The following SEPTIN4 variants were observed in gnomAD, a reference collection of about 807,000 sequenced individuals.
SEPTIN4 encodes septin-4.
In SEPTIN4, 52 loss-of-function variants were observed where a neutral mutation model predicts 107.1. The ratio of observed to expected loss-of-function variants is 0.49; its 90% CI spans 0.39 to 0.61. The LOEUF is 0.61. SEPTIN4 is among the 20% of genes least tolerant of loss of function. SEPTIN4 has a pLI of 0.00. For synonymous variants in SEPTIN4, 417 were observed against 467.0 expected (o/e 0.89, Z 1.38); for missense variants, 1,048 against 1,243.5 (o/e 0.84, Z 2.36).
intron 3 of SEPTIN4, among the ~76,000 whole-genome samples, chr17:58,534,629 T>C (rs564159866): frequency 6.6e-6 from 1 of 152,244 alleles, no homozygotes; most frequent in East Asian, 1.9e-4. Flanking sequence ...CCACCAGGCA[T>C]TGATGGCCTT....
At position 58,521,008 on chromosome 17, in the gene SEPTIN4, G is replaced by A. The variant is rs759153104; in HGVS notation, c.2821C>T (p.Arg941Trp). The change falls in exon 12 of 14, where the codon CGG (arginine) becomes TGG (tryptophan). Residue 941 changes from arginine to tryptophan, a missense_variant. Physicochemically the swap from Arg to Trp is moderately radical, Grantham distance 101. This residue lies in a region of SEPTIN4 where 261 missense variants were observed against 371.7 expected (regional missense o/e 0.70). Coordinates refer to ENST00000672673, the MANE Select transcript of SEPTIN4 (RefSeq NM_001368771.2). The surrounding 1 kb of genome is among the most constrained non-coding windows in gnomAD (Gnocchi z 6.4). The part of the protein sequence containing the change: ...QSMTRLVVKE[R>W]NRNKLTRESG... ...GGCTTCTGGTCATACTTGCGATTCCGTTCCTTCACCACCAGGCGGGTCATG... is the reference window on the plus strand; with the variant it reads ...GGCTTCTGGTCATACTTGCGATTCCATTCCTTCACCACCAGGCGGGTCATG... The A allele has an allele frequency of 6.8e-6, 11 of 1,614,062 alleles. No individual in the cohort carries two copies. The highest frequency in any genetic ancestry group is 1.1e-5 in the South Asian group (1 of 91,070).
At position 58,526,125 on chromosome 17, in the gene SEPTIN4, C is replaced by T. The variant is rs566948892; in HGVS notation, c.2005+95G>A. 9.9e-6 allele frequency: 13 copies of T among 1,311,154 alleles called. No homozygotes were observed. In the South Asian group the frequency reaches 1.9e-4, roughly 19 times the overall value. The allele number at this position is 1,311,154 out of a possible 1,614,324, so 81.2% of individuals were successfully genotyped here. ...AAACAGTACAGCCACTCGCTGCTTGCTCCCTGCGACCTATACTCCCTTCCC... is the reference window on the plus strand; with the variant it reads ...AAACAGTACAGCCACTCGCTGCTTGTTCCCTGCGACCTATACTCCCTTCCC... On this transcript the variant is annotated intron_variant, in intron 5 of 13. Coordinates refer to ENST00000672673, the MANE Select transcript of SEPTIN4 (RefSeq NM_001368771.2).
At chr17:58,523,382 A>G (rs1598262365) in intron 7 of SEPTIN4, among the ~76,000 whole-genome samples, 1 of 151,766 alleles carries the variant, frequency 6.6e-6, no homozygotes, top group Non-Finnish European at 1.5e-5. Flanking sequence ...AAAAAAAAAA[A>G]AAAGAAAGGA....
intron 3 of SEPTIN4, chr17:58,530,104 G>C (rs2043334236): frequency 6.6e-6 from 1 of 152,234 alleles, no homozygotes; most frequent in Non-Finnish European, 1.5e-5. Context: ...GGGCCTGGTT[G>C]GAAGTGTGCA....
At chr17:58,541,786 T>A (rs760866839) in intron 2 of SEPTIN4, 136 bp downstream of exon 2, 10 of 1,599,550 alleles carry the variant, frequency 6.3e-6, no homozygotes, top group Non-Finnish European at 8.5e-6. Flanking sequence ...GAGAAGTTCC[T>A]CTGCTTCTTC....
At position 58,543,973 on chromosome 17, in the gene SEPTIN4, A is replaced by C. The variant is rs367962856; in HGVS notation, c.214T>G (p.Ser72Ala). Residue 72 changes from serine to alanine, a missense_variant, in exon 1 of 14, where the codon TCC becomes GCC. Physicochemically the swap from Ser to Ala is moderately conservative, Grantham distance 99. Coordinates refer to ENST00000672673, the MANE Select transcript of SEPTIN4 (RefSeq NM_001368771.2). ...TAGTGTCCAGGTCCTGACTGGAGGG[A>C]GACAGATCGAGGGTAGTCTGATGCT... Reference protein sequence around the residue: ...HSASDYPRSVSLQSGPGHYAV... With the variant: ...HSASDYPRSVALQSGPGHYAV... 2.1e-5 allele frequency: 34 copies of C among 1,613,500 alleles called. No individual in the cohort carries two copies. In the African/African-American group the frequency reaches 3.9e-4, roughly 18 times the overall value.
rs753212564 is a variant in SEPTIN4, at chr17:58,526,666, G to A, written c.1911+16C>T. ...AGCAGCCCACTGAAAGGCAAAGGCAGGGCTGGAGGCTCTACCTCAGAGGAA... is the reference window on the plus strand; with the variant it reads ...AGCAGCCCACTGAAAGGCAAAGGCAAGGCTGGAGGCTCTACCTCAGAGGAA... On this transcript the variant is annotated intron_variant, in intron 4 of 13. Coordinates refer to ENST00000672673, the MANE Select transcript of SEPTIN4 (RefSeq NM_001368771.2). The A allele has an allele frequency of 6.5e-7, 1 of 1,548,188 alleles. No homozygotes were observed. The highest frequency in any genetic ancestry group is 1.4e-5 in the African/African-American group (1 of 72,150).
chr17:58,525,111 GGT>G lies in SEPTIN4; in HGVS notation c.2181_2182del (p.Pro728ArgfsTer20). On this transcript the variant is annotated frameshift_variant, in exon 7 of 14. Coordinates refer to ENST00000672673, the MANE Select transcript of SEPTIN4 (RefSeq NM_001368771.2). LOFTEE classifies it high-confidence loss of function. ...GTTGTTGACTGCATCCCCAAAACCT[GGT>G]GTGTCCACAATGGTGAGCCGCAGCC... 1 of 1,614,130 alleles carries G rather than the reference GGT, an allele frequency of 6.2e-7. No homozygotes were observed. Among genetic ancestry groups the G allele is most frequent in the Non-Finnish European group, 8.5e-7 (1 of 1,180,008 alleles).
Position 58,543,764 on chromosome 17 carries a change from G to T in SEPTIN4, c.423C>A (p.Arg141=). 1 of 1,614,172 alleles carries T rather than the reference G, an allele frequency of 6.2e-7. No homozygotes were observed. Among genetic ancestry groups the T allele is most frequent in the Non-Finnish European group, 8.5e-7 (1 of 1,180,026 alleles). The part of the protein sequence containing the change: ...ARRGSESKSG[R]EVGHHASSIP... ...TTGATGAAGCATGATGGCCGACCTC[G>T]CGCCCTGACTTGCTCTCACTGCCTC... is the stretch of plus-strand genomic sequence containing the variant. Residue 141 remains arginine, a synonymous_variant, in exon 1 of 14, where the codon CGC becomes CGA. Transcript: ENST00000672673.
intron 3 of SEPTIN4, among the ~76,000 whole-genome samples, chr17:58,533,422 TAA>T (rs1328062925): frequency 4.6e-5 from 7 of 152,260 alleles, no homozygotes; most frequent in African/African-American, 1.7e-4. Context: ...TCTGGCCTTC[TAA>T]AAGTGGATGC....
At chr17:58,527,884 G>A (rs967223903) in intron 3 of SEPTIN4, 13 of 985,492 alleles carry the variant, frequency 1.3e-5, no homozygotes, top group Middle Eastern at 5.2e-4. Flanking sequence ...TGACCCACAG[G>A]GAGTGGAAGG....
At chr17:58,524,524 T>C (rs1177292692) in intron 7 of SEPTIN4, 1 of 152,402 alleles carries the variant, frequency 6.6e-6, no homozygotes, top group Non-Finnish European at 1.5e-5. Flanking sequence ...GTGCTACATG[T>C]TTTCACACTT....
At position 58,526,950 on chromosome 17, in the gene SEPTIN4, TC is replaced by T. The variant is rs1567963498; in HGVS notation, c.1642del (p.Asp548MetfsTer5). 1 of 1,613,928 alleles carries T rather than the reference TC, an allele frequency of 6.2e-7. No homozygotes were observed. Among genetic ancestry groups the T allele is most frequent in the Non-Finnish European group, 8.5e-7 (1 of 1,180,014 alleles). ...EIKRFLEDTT[D>X]DGELSKFVKD... Reference sequence around the variant, plus strand: ...CACGAACTTGCTCAGTTCTCCATCATCCGTGGTGTCCTCCAGGAAACGCTTG... The same window carrying T: ...CACGAACTTGCTCAGTTCTCCATCATCGTGGTGTCCTCCAGGAAACGCTTG... On this transcript the variant is annotated frameshift_variant, in exon 4 of 14. Coordinates refer to ENST00000672673, the MANE Select transcript of SEPTIN4 (RefSeq NM_001368771.2). LOFTEE classifies it high-confidence loss of function.
chr17:58,521,629 C>A lies in SEPTIN4; in HGVS notation c.2487G>T (p.Glu829Asp). The A allele has an allele frequency of 1.2e-6, 2 of 1,614,218 alleles. No individual in the cohort carries two copies. The highest frequency in any genetic ancestry group is 8.5e-7 in the Non-Finnish European group (1 of 1,180,036). Residue 829 changes from glutamate (E) to aspartate (D), a missense_variant, in exon 10 of 14, where the codon GAG (glutamate) becomes GAT (aspartate). This residue lies in a region of SEPTIN4 where 261 missense variants were observed against 371.7 expected (regional missense o/e 0.70). Coordinates refer to ENST00000672673, the MANE Select transcript of SEPTIN4 (RefSeq NM_001368771.2). The surrounding 1 kb of genome is among the most constrained non-coding windows in gnomAD (Gnocchi z 6.4). ...ATTGATAGATCTTGATTCCAAAATG[C>A]TCAATCTCCTCCCGGATCTGACAAA... ...HKKRKIREEI[E>D]HFGIKIYQFP...
chr17:58,525,031 A>G (rs1281344353), intron 7 of SEPTIN4, 47 bp downstream of exon 7: 17 of 1,612,544 alleles, frequency 1.1e-5, no homozygotes, highest in Non-Finnish European at 1.4e-5. Flanking sequence ...CTGTGTATGG[A>G]GAAGGGTGGC....
At chr17:58,536,742 C>A (rs181977081) in intron 3 of SEPTIN4, among the ~76,000 whole-genome samples, 122 of 152,346 alleles carry the variant, frequency 8.0e-4, no homozygotes, top group Non-Finnish European at 1.1e-3. Context: ...GCTCCCCTAA[C>A]AGCAGCTGAG....
intron 3 of SEPTIN4, 157 bp from the exon 4 acceptor site, chr17:58,527,135 T>C (rs771248793): frequency 8.2e-7 from 1 of 1,213,980 alleles, no homozygotes; most frequent in South Asian, 1.2e-5. Context: ...ACAGAGGAAG[T>C]GCTCACCATC....
intron 1 of SEPTIN4, 40 bp from the exon 2 acceptor site, chr17:58,542,006 T>C (rs544251085): frequency 3.3e-5 from 53 of 1,602,166 alleles, no homozygotes; most frequent in Admixed American, 1.2e-4. Context: ...CTTCTCTCTG[T>C]GGGATGCACA....
intron 3 of SEPTIN4, chr17:58,532,224 A>T (rs1256744578): frequency 2.5e-6 from 1 of 407,332 alleles, no homozygotes; most frequent in Non-Finnish European, 3.5e-6. Flanking sequence ...CCGGATGCGC[A>T]GAGTATGCAG....
Sources: allele counts gnomAD v4.1 joint callset (sites outside exome capture counted in the v4.1 genomes callset), GRCh38; gene constraint gnomAD v4.1.1; regional missense constraint gnomAD v4.1.1; non-coding constraint Gnocchi (gnomAD v3.1); transcripts MANE v1.5; gene names NCBI Gene and HGNC (gene_info 2026-07-23, HGNC 2026-07-21).